ABCC1: variants seen among roughly 807,000 people sequenced by gnomAD.
The protein encoded by ABCC1 is ATP binding cassette subfamily C member 1 (ABCC1 blood group).
A neutral mutation model predicts 172.9 loss-of-function variants in ABCC1; 83 were observed. That is an observed-to-expected ratio of 0.48 (90% CI 0.40 to 0.58). The LOEUF is 0.58. ABCC1 is among the 20% of genes least tolerant of loss of function. The pLI, the probability that ABCC1 is intolerant of heterozygous loss-of-function variation, is 0.00. For synonymous variants in ABCC1, 937 were observed against 825.2 expected (o/e 1.14, Z -2.32); for missense variants, 1,817 against 2,002.7 (o/e 0.91, Z 1.77).
At chr16:16,010,938 A>G (rs1413375465) in intron 3 of ABCC1, among the ~76,000 whole-genome samples, 2 of 152,154 alleles carry the variant, frequency 1.3e-5, no homozygotes, top group Non-Finnish European at 2.9e-5. Flanking sequence ...TGAGTATTGT[A>G]AAAAGAGGAG....
At chr16:16,066,930 G>C (rs1277693748) in intron 12 of ABCC1, among the ~76,000 whole-genome samples, 4 of 151,470 alleles carry the variant, frequency 2.6e-5, no homozygotes, top group Admixed American at 2.6e-4. Context: ...CTTTAGGTAA[G>C]ATGCCAGTGT....
intron 16 of ABCC1, among the ~76,000 whole-genome samples, chr16:16,082,391 T>A (rs1471813726): frequency 6.6e-6 from 1 of 152,208 alleles, no homozygotes; most frequent in East Asian, 1.9e-4. Flanking sequence ...GAGACCAGGC[T>A]TAGCAACATG....
intron 10 of ABCC1, among the ~76,000 whole-genome samples, chr16:16,051,900 C>T (rs545580228): frequency 9.2e-5 from 14 of 152,242 alleles, no homozygotes; most frequent in Non-Finnish European, 1.3e-4. Context: ...ATCAGGTGGT[C>T]GTGTTCACAC....
Position 16,096,806 on chromosome 16 carries a change from G to A in ABCC1, c.2645-5821G>A, listed in dbSNP as rs569298065. Reference sequence around the variant, plus strand: ...AGACCCGGGGCAGCACTTAACGTACGTGGGTCAAGGGTAGAAACAGCACCT... The same window carrying A: ...AGACCCGGGGCAGCACTTAACGTACATGGGTCAAGGGTAGAAACAGCACCT... On this transcript the variant is annotated intron_variant, in intron 19 of 30. Coordinates refer to ENST00000399410, the MANE Select transcript of ABCC1 (RefSeq NM_004996.4). Among the ~76,000 whole-genome samples, 8 of 152,278 alleles carry A rather than the reference G, an allele frequency of 5.3e-5. No homozygotes were observed. The South Asian group carries it at 1.0e-3, about 20-fold the overall frequency.
At chr16:16,015,857 C>T (rs2047974354) in intron 4 of ABCC1, among the ~76,000 whole-genome samples, 1 of 152,150 alleles carries the variant, frequency 6.6e-6, no homozygotes, top group Non-Finnish European at 1.5e-5. Context: ...GGCAGAATCA[C>T]CCCTGGTTAA....
At chr16:16,134,693 C>T (rs1157466755) in intron 28 of ABCC1, among the ~76,000 whole-genome samples, 185 bp downstream of exon 28, 1 of 138,666 alleles carries the variant, frequency 7.2e-6, no homozygotes, top group Non-Finnish European at 1.5e-5. Context: ...GTGGAGTGCG[C>T]TGGCGCAATC....
intron 12 of ABCC1, among the ~76,000 whole-genome samples, chr16:16,065,341 G>A (rs995454280): frequency 3.9e-5 from 6 of 152,112 alleles, no homozygotes; most frequent in Non-Finnish European, 5.9e-5. Context: ...GCTCACTGCA[G>A]CCTCGACCTC....
At chr16:16,076,542 C>G (rs1164429147) in intron 15 of ABCC1, 141 bp downstream of exon 15, 40 of 762,812 alleles carry the variant, frequency 5.2e-5, no homozygotes, top group Non-Finnish European at 8.0e-5. Flanking sequence ...GCTTACCCAT[C>G]TGGACAATGG....
chr16:15,977,854 A>T (rs540299539), intron 1 of ABCC1, among the ~76,000 whole-genome samples: 1 of 152,326 alleles, frequency 6.6e-6, no homozygotes, highest in African/African-American at 2.4e-5. Context: ...CTGTTGTCAC[A>T]TGAATGATTT....
At chr16:16,125,769 C>T in intron 25 of ABCC1, 41 bp from the exon 26 acceptor site, 3 of 1,387,810 alleles carry the variant, frequency 2.2e-6, no homozygotes, top group Non-Finnish European at 3.0e-6. Flanking sequence ...TCAAGTACGC[C>T]CGCTTACTCT....
At chr16:16,050,094 G>GACATATAT (rs1169367139) in intron 10 of ABCC1, among the ~76,000 whole-genome samples, 4 of 152,308 alleles carry the variant, frequency 2.6e-5, no homozygotes, top group South Asian at 4.1e-4. Flanking sequence ...TATAGCAGCT[G>GACATATAT]ACTTTTGTGT....
At chr16:15,989,525 G>A (rs1041438762) in intron 1 of ABCC1, among the ~76,000 whole-genome samples, 1 of 152,114 alleles carries the variant, frequency 6.6e-6, no homozygotes, top group East Asian at 1.9e-4. Context: ...CGGGCCTCTT[G>A]CACTCCTTTT....
At chr16:15,997,093 C>CTTTT (rs34024385) in intron 1 of ABCC1, among the ~76,000 whole-genome samples, 3 of 137,148 alleles carry the variant, frequency 2.2e-5, no homozygotes, top group East Asian at 2.1e-4. Context: ...TGCGCTTTCT[C>CTTTT]TTTTTTTTTT....
chr16:16,134,622 G>C lies in ABCC1; in HGVS notation c.4125+114G>C, dbSNP rs970849189. 34 of 574,796 alleles carry C rather than the reference G, an allele frequency of 5.9e-5. No individual in the cohort carries two copies. The East Asian group carries it at 7.8e-4, about 13-fold the overall frequency. The allele number at this position is 574,796 out of a possible 1,614,324, so 35.6% of individuals were successfully genotyped here. Reference sequence around the variant, plus strand: ...AACATACATTTGGCCCTACTTCATCGTTCTTTTTTTTTTTTTTTTTTTTTT... The same window carrying C: ...AACATACATTTGGCCCTACTTCATCCTTCTTTTTTTTTTTTTTTTTTTTTT... On this transcript the variant is annotated intron_variant, in intron 28 of 30. Coordinates refer to ENST00000399410, the MANE Select transcript of ABCC1 (RefSeq NM_004996.4).
At chr16:16,008,019 G>C (rs532180297) in intron 2 of ABCC1, 27 bp downstream of exon 2, 5 of 537,298 alleles carry the variant, frequency 9.3e-6, no homozygotes, top group African/African-American at 6.4e-5. Flanking sequence ...TTTCGTTGTG[G>C]GGGGTGGGAA....
chr16:16,087,039 G>C (rs45573034), intron 18 of ABCC1, 48 bp downstream of exon 18: 3 of 1,607,032 alleles, frequency 1.9e-6, no homozygotes, highest in Non-Finnish European at 2.6e-6. Context: ...CTCGCCCTTT[G>C]GTTAAGTCAG....
chr16:16,045,573 A>G (rs140556180), intron 8 of ABCC1, among the ~76,000 whole-genome samples: 16 of 151,978 alleles, frequency 1.1e-4, no homozygotes, highest in African/African-American at 3.1e-4. Context: ...TCCCTATGCA[A>G]TTCCTTTGGG....
At chr16:16,124,699 A>G in intron 24 of ABCC1, 90 bp from the exon 25 acceptor site, 1 of 1,578,526 alleles carries the variant, frequency 6.3e-7, no homozygotes, top group Non-Finnish European at 8.6e-7. Flanking sequence ...TGAGTTAGCA[A>G]AGAATCCCCT....
intron 6 of ABCC1, among the ~76,000 whole-genome samples, chr16:16,036,080 C>T (rs980367722): frequency 3.9e-5 from 6 of 152,020 alleles, no homozygotes; most frequent in Admixed American, 3.3e-4. Flanking sequence ...GCTGCGATCG[C>T]ACCACTGTAC....
Sources: allele counts gnomAD v4.1 joint callset (sites outside exome capture counted in the v4.1 genomes callset), GRCh38; gene constraint gnomAD v4.1.1; transcripts MANE v1.5; gene names NCBI Gene and HGNC (gene_info 2026-07-23, HGNC 2026-07-21).